The following KDM6A variants were observed in gnomAD, a reference collection of about 807,000 sequenced individuals.
The protein encoded by KDM6A is lysine-specific demethylase 6A.
A neutral mutation model predicts 117.6 loss-of-function variants in KDM6A; 11 were observed. The ratio of observed to expected loss-of-function variants is 0.09; its 90% CI spans 0.06 to 0.15. The LOEUF is 0.15. Among genes scored for constraint, KDM6A ranks in the 10% least tolerant of loss-of-function variants. The pLI, the probability that KDM6A is intolerant of heterozygous loss-of-function variation, is 1.00. For synonymous variants in KDM6A, 384 were observed against 396.1 expected (o/e 0.97, Z 0.36); for missense variants, 799 against 1,077.3 (o/e 0.74, Z 3.62).
In KDM6A at chrX:45,063,646, G is replaced by A. The variant is rs747029360; in HGVS notation, c.1908G>A (p.Thr636=). 8.3e-7 allele frequency: 1 copy of A among 1,210,510 alleles called. No individual in the cohort carries two copies. The highest frequency in any genetic ancestry group is 1.7e-5 in the African/African-American group (1 of 57,726). ...ATGTTCCCTGTAGCACATCAAGAACGCTGGGAAGTACAGACACTATTTTGA... is the reference window on the plus strand; with the variant it reads ...ATGTTCCCTGTAGCACATCAAGAACACTGGGAAGTACAGACACTATTTTGA... ...AGHVPCSTSR[T]LGSTDTILIG... is the part of the protein sequence containing the mutation. Residue 636 remains threonine, a synonymous_variant, in exon 17 of 30, where the codon ACG becomes ACA. Transcript: ENST00000611820.
chrX:44,889,232 C>G (rs1189212217), intron 2 of KDM6A, among the ~76,000 whole-genome samples: 1 of 111,789 alleles, frequency 8.9e-6, no homozygotes, highest in African/African-American at 3.3e-5. Context: ...CCAGGCTGGT[C>G]TTGAACTCCT....
chrX:45,052,066 T>A (rs1158711458), intron 9 of KDM6A, among the ~76,000 whole-genome samples: 2 of 112,260 alleles, frequency 1.8e-5, no homozygotes, highest in Non-Finnish European at 1.9e-5. Context: ...AATACTTCGT[T>A]TGTGCCAGAT....
intron 2 of KDM6A, among the ~76,000 whole-genome samples, chrX:44,911,900 G>A (rs992304121): frequency 9.1e-6 from 1 of 109,603 alleles, no homozygotes; most frequent in East Asian, 2.9e-4. Flanking sequence ...GGCGGCGCGC[G>A]CCTGCAATCG....
chrX:44,990,091 A>T (rs2040486784), intron 4 of KDM6A, among the ~76,000 whole-genome samples: 1 of 112,300 alleles, frequency 8.9e-6, no homozygotes, highest in African/African-American at 3.2e-5. Flanking sequence ...CAAAGGCCAG[A>T]TCATAAATGC....
intron 17 of KDM6A, among the ~76,000 whole-genome samples, chrX:45,068,185 CAA>C (rs2148023056): frequency 9.0e-6 from 1 of 111,500 alleles, no homozygotes. Flanking sequence ...GAAGTAATCT[CAA>C]CTCCAAATGT....
intron 17 of KDM6A, among the ~76,000 whole-genome samples, chrX:45,065,340 A>G (rs965826534): frequency 1.8e-5 from 2 of 111,951 alleles, no homozygotes; most frequent in Non-Finnish European, 3.8e-5. Context: ...AGCTGGAAAC[A>G]GGATGGCTAA....
At position 45,035,198 on chromosome X, in the gene KDM6A, G is replaced by C. The variant is rs149620606; in HGVS notation, c.619+213G>C. ...TAAAATAGATAGGCCAGTGAAGTGA[G>C]TTGTTGAATTAAAAGTATCTTCACT... On this transcript the variant is annotated intron_variant, in intron 7 of 29. Coordinates refer to ENST00000611820, the MANE Select transcript of KDM6A (RefSeq NM_001291415.2). 1.3e-3 allele frequency among the ~76,000 whole-genome samples: 143 copies of C among 112,025 alleles called. 1 individual carries two copies. The highest frequency in any genetic ancestry group is 4.6e-3 in the Middle Eastern group (1 of 218).
intron 2 of KDM6A, among the ~76,000 whole-genome samples, chrX:44,922,522 G>A (rs2036025523): frequency 8.9e-6 from 1 of 111,778 alleles, no homozygotes; most frequent in Non-Finnish European, 1.9e-5. Flanking sequence ...AGGCTGGAGT[G>A]CAGTGGCGTG....
intron 16 of KDM6A, 85 bp downstream of exon 16, chrX:45,062,833 GTTCAT>G: frequency 1.6e-6 from 1 of 610,301 alleles, no homozygotes; most frequent in Non-Finnish European, 2.7e-6. Flanking sequence ...GCATGTTTAT[GTTCAT>G]TTTTACTTTC....
At position 45,072,339 on chromosome X, in the gene KDM6A, T is replaced by C. The variant is rs867456354; in HGVS notation, c.2858+1982T>C. ...AGTAACTTAAGAGGACATTGGATGA[T>C]CTCTAAATGAAATTCTTCTAAAGCA... On this transcript the variant is annotated intron_variant, in intron 18 of 29. Coordinates refer to ENST00000611820, the MANE Select transcript of KDM6A (RefSeq NM_001291415.2). Among the ~76,000 whole-genome samples, 28 of 111,672 alleles carry C rather than the reference T, an allele frequency of 2.5e-4. No homozygotes were observed. The Middle Eastern group carries it at 0.019, about 75-fold the overall frequency.
chrX:45,013,673 G>A (rs1326138910), intron 5 of KDM6A, among the ~76,000 whole-genome samples: 7 of 111,911 alleles, frequency 6.3e-5, no homozygotes, highest in Non-Finnish European at 1.3e-4. Flanking sequence ...ATTTTCTCAT[G>A]TCTTGAGTTT....
At chrX:44,948,029 A>C (rs932205810) in intron 2 of KDM6A, among the ~76,000 whole-genome samples, 1 of 111,568 alleles carries the variant, frequency 9.0e-6, no homozygotes, top group Admixed American at 9.5e-5. Flanking sequence ...TGTAGAGCTT[A>C]AGAACTTAAG....
At chrX:44,975,925 A>G (rs925152617) in intron 4 of KDM6A, among the ~76,000 whole-genome samples, 8 of 112,349 alleles carry the variant, frequency 7.1e-5, no homozygotes, top group African/African-American at 2.6e-4. Flanking sequence ...TGAGCCTTAT[A>G]CAGGGGAGGA....
At position 44,873,504 on chromosome X, in the gene KDM6A, G is replaced by A. The variant is rs1254564407; in HGVS notation, c.-48G>A. On this transcript the variant is annotated 5_prime_UTR_variant, in exon 1 of 30. Coordinates refer to ENST00000611820, the MANE Select transcript of KDM6A (RefSeq NM_001291415.2). ...ATTGGGGGCGTCACTGCGGGCCCCG[G>A]TCCGAGGGGGGGTGTCGGCGTTGGA... 4 of 1,207,247 alleles carry A rather than the reference G, an allele frequency of 3.3e-6. No individual in the cohort carries two copies. The highest frequency in any genetic ancestry group is 4.4e-5 in the Admixed American group (2 of 45,966).
chrX:45,068,071 A>G (rs968343312), intron 17 of KDM6A, among the ~76,000 whole-genome samples: 4 of 111,653 alleles, frequency 3.6e-5, no homozygotes, highest in Non-Finnish European at 7.5e-5. Flanking sequence ...GCTGACTTTA[A>G]CTAGATGATT....
At chrX:45,061,255 A>G (rs1346803360) in intron 14 of KDM6A, 69 bp from the exon 15 acceptor site, 1 of 606,976 alleles carries the variant, frequency 1.6e-6, no homozygotes, top group Non-Finnish European at 2.7e-6. Context: ...GGCCTCCTCT[A>G]ACCATTATTA....
At chrX:45,102,725 T>A (rs2046378401) in intron 27 of KDM6A, among the ~76,000 whole-genome samples, 1 of 112,157 alleles carries the variant, frequency 8.9e-6, no homozygotes, top group Non-Finnish European at 1.9e-5. Flanking sequence ...TTCTCATGGT[T>A]AATATATATG....
intron 4 of KDM6A, among the ~76,000 whole-genome samples, chrX:45,002,420 A>G (rs1358016040): frequency 3.6e-5 from 4 of 112,243 alleles, no homozygotes; most frequent in Non-Finnish European, 7.5e-5. Context: ...TCACAGAAAG[A>G]CTGGATGATA....
chrX:45,076,946 A>G (rs2045150523), intron 19 of KDM6A, 120 bp downstream of exon 19: 1 of 598,917 alleles, frequency 1.7e-6, no homozygotes, highest in South Asian at 2.6e-5. Flanking sequence ...CAGCAGATTA[A>G]ATAGTTTGGG....
Sources: allele counts gnomAD v4.1 joint callset (sites outside exome capture counted in the v4.1 genomes callset), GRCh38; gene constraint gnomAD v4.1.1; transcripts MANE v1.5; gene names NCBI Gene and HGNC (gene_info 2026-07-23, HGNC 2026-07-21).